The following AP2M1 variants were observed in gnomAD, a reference collection of about 807,000 sequenced individuals.
AP2M1 encodes the protein AP-2 complex subunit mu.
AP2M1 carries 5 observed loss-of-function variants against 54.5 expected under a neutral mutation model. The ratio of observed to expected loss-of-function variants is 0.09; its 90% CI spans 0.05 to 0.19. The LOEUF is 0.19. Ranked by LOEUF, AP2M1 falls within the 10% of genes least tolerant of loss-of-function variation. AP2M1 has a pLI of 1.00. For synonymous variants in AP2M1, 186 were observed against 208.2 expected, an observed-to-expected ratio of 0.89 and a Z score of 0.92; for missense variants, 178 against 580.2, an observed-to-expected ratio of 0.31 and a Z score of 7.12.
chr3:184,177,723 C>T, intron 2 of AP2M1: 1 of 1,052,866 alleles, frequency 9.5e-7, no homozygotes, highest in Non-Finnish European at 1.4e-6. Flanking sequence ...AGCCTGCCTT[C>T]TCATTCTGCG....
At chr3:184,176,431 T>C (rs185906747) in intron 1 of AP2M1, among the ~76,000 whole-genome samples, 103 of 152,322 alleles carry the variant, frequency 6.8e-4, no homozygotes, top group African/African-American at 2.3e-3. Context: ...GTTTGAATTC[T>C]GTGAATTAGA....
chr3:184,176,770 T>A (rs1344559223), intron 1 of AP2M1, 181 bp from the exon 2 acceptor site: 1 of 521,882 alleles, frequency 1.9e-6, no homozygotes, highest in African/African-American at 2.0e-5. Flanking sequence ...CTTTCTCCCA[T>A]CTAGTGTGGA....
chr3:184,177,058 ATGACATCGGG>A lies in AP2M1; in HGVS notation c.69_74+4del. 6.2e-7 allele frequency: 1 copy of A among 1,613,684 alleles called. No individual in the cohort carries two copies. Among genetic ancestry groups the A allele is most frequent in the Non-Finnish European group, 8.5e-7 (1 of 1,179,864 alleles). ...GTGCTCATCTCCCGAGTCTACCGAG[ATGACATCGGG>A]TGAGTCCCCTGGCGGAGCCAGCTGT... On this transcript the variant is annotated splice_donor_variant and coding_sequence_variant, in exon 2 of 12. Coordinates refer to ENST00000292807, the MANE Select transcript of AP2M1 (RefSeq NM_004068.4). LOFTEE classifies it high-confidence loss of function.
chr3:184,182,012 A>AACT lies in AP2M1; in HGVS notation c.929_931dup (p.Asn310_Phe311insTyr), dbSNP rs1715289551. 6.2e-7 allele frequency: 1 copy of AACT among 1,614,026 alleles called. No homozygotes were observed. The highest frequency in any genetic ancestry group is 8.5e-7 in the Non-Finnish European group (1 of 1,180,008). On this transcript the variant is annotated inframe_insertion, in exon 9 of 12. Coordinates refer to ENST00000292807, the MANE Select transcript of AP2M1 (RefSeq NM_004068.4). The surrounding 1 kb of genome is among the most constrained non-coding windows in gnomAD (Gnocchi z 5.5). ...GGAGGTCAAGGTGGTCATCAAGTCC[A>AACT]ACTTTAAACCCTCACTGCTGGCTCA...
Position 184,183,622 on chromosome 3 carries a change from A to G in AP2M1, c.*6A>G. 1 of 1,611,812 alleles carries G rather than the reference A, an allele frequency of 6.2e-7. No individual in the cohort carries two copies. Among genetic ancestry groups the G allele is most frequent in the Non-Finnish European group, 8.5e-7 (1 of 1,179,456 alleles). On this transcript the variant is annotated 3_prime_UTR_variant, in exon 12 of 12. Coordinates refer to ENST00000292807, the MANE Select transcript of AP2M1 (RefSeq NM_004068.4). The surrounding 1 kb of genome is among the most constrained non-coding windows in gnomAD (Gnocchi z 5.7). ...TTTATGAAACTCGCTGCTAGCTGCCACTAGGCAGCTAGCCCACCTCCCCAG... is the reference window on the plus strand; with the variant it reads ...TTTATGAAACTCGCTGCTAGCTGCCGCTAGGCAGCTAGCCCACCTCCCCAG...
At position 184,180,727 on chromosome 3, in the gene AP2M1, G is replaced by A; in HGVS notation, c.429+77G>A. 1.2e-6 allele frequency: 2 copies of A among 1,614,180 alleles called. No individual in the cohort carries two copies. Among genetic ancestry groups the A allele is most frequent in the Admixed American group, 1.7e-5 (1 of 60,030 alleles). On this transcript the variant is annotated intron_variant, in intron 5 of 11. Transcript: ENST00000292807. The surrounding 1 kb of genome is among the most constrained non-coding windows in gnomAD (Gnocchi z 4.9). ...GCCCTGCCCTTTGGGGCTTATAGGG[G>A]AAAATGGATTACAGGTGGGGACTAG...
At chr3:184,176,835 G>A in intron 1 of AP2M1, 116 bp from the exon 2 acceptor site, 1 of 632,938 alleles carries the variant, frequency 1.6e-6, no homozygotes, top group South Asian at 2.2e-5. Context: ...GAGGGCTGCA[G>A]GGTCACTTAC....
At chr3:184,176,143 CA>C (rs1264942945) in intron 1 of AP2M1, among the ~76,000 whole-genome samples, 1 of 152,302 alleles carries the variant, frequency 6.6e-6, no homozygotes, top group Admixed American at 6.5e-5. Flanking sequence ...ATCACGATTT[CA>C]GATGGAAGGA....
intron 1 of AP2M1, among the ~76,000 whole-genome samples, chr3:184,175,695 T>C (rs1425769530): frequency 1.3e-5 from 2 of 152,130 alleles, no homozygotes; most frequent in East Asian, 1.9e-4. Context: ...ACTGAAGGTC[T>C]TTCCCCTTAA....
Position 184,180,581 on chromosome 3 carries a change from TCTC to T in AP2M1, c.424-58_424-56del, listed in dbSNP as rs769451174. 6.2e-6 allele frequency: 10 copies of T among 1,611,992 alleles called. No individual in the cohort carries two copies. The highest frequency in any genetic ancestry group is 2.1e-4 in the Middle Eastern group (1 of 4,688). On this transcript the variant is annotated intron_variant, in intron 4 of 11. Coordinates refer to ENST00000292807, the MANE Select transcript of AP2M1 (RefSeq NM_004068.4). The surrounding 1 kb of genome is among the most constrained non-coding windows in gnomAD (Gnocchi z 4.9). ...CTCTAGGATCCAAGCCTCATAGCTT[TCTC>T]CTCCTTTTCTGCCTCCCTTGCTGCT...
In AP2M1 at chr3:184,180,393, C is replaced by A; in HGVS notation, c.423+142C>A. 2.6e-6 allele frequency: 3 copies of A among 1,162,490 alleles called. No individual in the cohort carries two copies. Among genetic ancestry groups the A allele is most frequent in the Non-Finnish European group, 1.2e-6 (1 of 819,094 alleles). 72.0% of individuals were successfully genotyped at this position (1,162,490 alleles called of 1,614,324 possible). A position where few individuals can be genotyped will look rare whatever the true frequency, so the allele number is the denominator to read the frequency against. Reference sequence around the variant, plus strand: ...CTGAGCCTCCTGCCATGATTGCAGGCCGATTTTGCTCTGTGTGGTCCTCCC... The same window carrying A: ...CTGAGCCTCCTGCCATGATTGCAGGACGATTTTGCTCTGTGTGGTCCTCCC... On this transcript the variant is annotated intron_variant, in intron 4 of 11. Transcript: ENST00000292807. This position sits in a 1 kb window ranked among gnomAD's most constrained non-coding sequence, Gnocchi z 4.9.
At chr3:184,177,640 G>A in intron 2 of AP2M1, 1 of 1,530,222 alleles carries the variant, frequency 6.5e-7, no homozygotes, top group Non-Finnish European at 8.8e-7. Flanking sequence ...CACTGTGGGA[G>A]GGCAGGGAAG....
Position 184,177,001 on chromosome 3 carries a change from G to C in AP2M1, c.8G>C (p.Gly3Ala). 6.2e-7 allele frequency: 1 copy of C among 1,613,912 alleles called. No homozygotes were observed. The highest frequency in any genetic ancestry group is 8.5e-7 in the Non-Finnish European group (1 of 1,179,950). Residue 3 changes from glycine (G) to alanine (A), a missense_variant, in exon 2 of 12, where the codon GGA (glycine) becomes GCA (alanine). By Grantham distance (60) the Gly-to-Ala change is moderately conservative. Around this residue, in one of 5 missense-constraint regions of AP2M1, gnomAD observed 115 missense variants for 331.2 expected, o/e 0.35. Transcript: ENST00000292807. MI[G>A]GLFIYNHKGE... ...GGAGACTGATCTGCCGCCATGATTG[G>C]AGGCTTATTCATCTATAATCACAAG... is the stretch of plus-strand genomic sequence containing the variant.
chr3:184,178,995 G>A lies in AP2M1; in HGVS notation c.213G>A (p.Gln71=), dbSNP rs1217870343. ...TTTGGCTGGCAGCAGTCACCAAGCA[G>A]AATGTCAACGCTGCCATGGTCTTCG... ...SNIWLAAVTK[Q]NVNAAMVFEF... Residue 71 remains glutamine, a synonymous_variant, in exon 3 of 12, where the codon CAG becomes CAA. Transcript: ENST00000292807. The surrounding 1 kb of genome is among the most constrained non-coding windows in gnomAD (Gnocchi z 4.9). 6.2e-7 allele frequency: 1 copy of A among 1,614,082 alleles called. No homozygotes were observed. Among genetic ancestry groups the A allele is most frequent in the Non-Finnish European group, 8.5e-7 (1 of 1,180,052 alleles).
At chr3:184,176,743 C>T (rs2109028130) in intron 1 of AP2M1, 1 of 493,676 alleles carries the variant, frequency 2.0e-6, no homozygotes, top group Non-Finnish European at 3.6e-6. Context: ...AATCCTGGGC[C>T]TAATCTCTCT....
rs1332833538 is a variant in AP2M1, at chr3:184,182,302, CTT to C, written c.1061+55_1061+56del. 19 of 1,566,168 alleles carry C rather than the reference CTT, an allele frequency of 1.2e-5. No individual in the cohort carries two copies. Among genetic ancestry groups the C allele is most frequent in the Non-Finnish European group, 1.5e-5 (17 of 1,150,324 alleles). ...AGGGCTCAAGATCCCAGTATACCCT[CTT>C]GTTTTCAGCTTTGATCCTTCTGAAT... On this transcript the variant is annotated intron_variant, in intron 10 of 11. Coordinates refer to ENST00000292807, the MANE Select transcript of AP2M1 (RefSeq NM_004068.4). The surrounding 1 kb of genome is among the most constrained non-coding windows in gnomAD (Gnocchi z 5.5).
intron 1 of AP2M1, 198 bp from the exon 2 acceptor site, chr3:184,176,753 T>G: frequency 2.0e-6 from 1 of 500,390 alleles, no homozygotes; most frequent in Middle Eastern, 5.0e-4. Context: ...CTAATCTCTC[T>G]CTGTTTCTTT....
Position 184,181,544 on chromosome 3 carries a change from C to T in AP2M1, c.708-152C>T. 8.9e-7 allele frequency: 1 copy of T among 1,126,056 alleles called. No homozygotes were observed. Among genetic ancestry groups the T allele is most frequent in the Non-Finnish European group, 1.3e-6 (1 of 796,332 alleles). 69.8% of individuals were successfully genotyped at this position (1,126,056 alleles called of 1,614,324 possible). ...AGATGAGCTTGCAAGGCTTCCCTCT[C>T]ATCCCAAGCTCTGGGGCAGACCTCC... On this transcript the variant is annotated intron_variant, in intron 7 of 11. Coordinates refer to ENST00000292807, the MANE Select transcript of AP2M1 (RefSeq NM_004068.4). This position sits in a 1 kb window ranked among gnomAD's most constrained non-coding sequence, Gnocchi z 5.7.
At position 184,183,158 on chromosome 3, in the gene AP2M1, T is replaced by C. The variant is rs970449040; in HGVS notation, c.1173+290T>C. Reference sequence around the variant, plus strand: ...CAAAGTTTACTTACAGACAGGATAATGGGCTGACTTTGCTTTGCGCATGTT... The same window carrying C: ...CAAAGTTTACTTACAGACAGGATAACGGGCTGACTTTGCTTTGCGCATGTT... On this transcript the variant is annotated intron_variant, in intron 11 of 11. Transcript: ENST00000292807. This position sits in a 1 kb window ranked among gnomAD's most constrained non-coding sequence, Gnocchi z 5.7. 7 of 556,738 alleles carry C rather than the reference T, an allele frequency of 1.3e-5. No homozygotes were observed. Among genetic ancestry groups the C allele is most frequent in the Admixed American group, 6.1e-5 (2 of 32,548 alleles). The allele number at this position is 556,738 out of a possible 1,614,324, so 34.5% of individuals were successfully genotyped here. A position where few individuals can be genotyped will look rare whatever the true frequency, so the allele number is the denominator to read the frequency against.
Sources: allele counts gnomAD v4.1 joint callset (sites outside exome capture counted in the v4.1 genomes callset), GRCh38; gene constraint gnomAD v4.1.1; regional missense constraint gnomAD v4.1.1; non-coding constraint Gnocchi (gnomAD v3.1); transcripts MANE v1.5; gene names NCBI Gene and HGNC (gene_info 2026-07-23, HGNC 2026-07-21).